The following SPAG17 variants were observed in gnomAD, a reference collection of about 807,000 sequenced individuals.
SPAG17 encodes sperm-associated antigen 17.
Under a neutral mutation model 273.6 loss-of-function variants are expected in SPAG17, and 169 were observed. The observed-to-expected ratio is 0.62, with a 90% CI of 0.55 to 0.70. The LOEUF (loss-of-function observed/expected upper bound fraction) is 0.70. SPAG17 is among the 30% of genes least tolerant of loss of function. The probability of loss-of-function intolerance (pLI) is 0.00; values close to 1 mark genes in which losing one functional copy is unlikely to be tolerated. For synonymous variants in SPAG17, 825 were observed against 873.2 expected (o/e 0.94, Z 0.97); for missense variants, 2,557 against 2,627.8 (o/e 0.97, Z 0.59).
Position 118,016,084 on chromosome 1 carries a change from T to C in SPAG17, c.4168A>G (p.Ile1390Val), listed in dbSNP as rs201514584. The C allele has an allele frequency of 1.7e-5, 28 of 1,614,100 alleles. No individual in the cohort carries two copies. In the East Asian group the frequency reaches 2.0e-4, roughly 12 times the overall value. Residue 1390 changes from isoleucine (I) to valine (V), a missense_variant, in exon 29 of 49, where the codon ATA (isoleucine) becomes GTA (valine). Transcript: ENST00000336338. ...GGTGTGGTTGTAAACCAGGTGCCTA[T>C]GTGAACCTCCACAGGAGTTACAGTT... ...VQTVTPVEVH[I>V]GTWFTTTPEG... is the part of the protein sequence containing the mutation.
At chr1:118,181,198 G>A (rs1570841305) in intron 1 of SPAG17, among the ~76,000 whole-genome samples, 1 of 151,686 alleles carries the variant, frequency 6.6e-6, no homozygotes. Flanking sequence ...CTAAACAAAG[G>A]CACCAATGGA....
chr1:118,031,666 G>A (rs764702324), intron 25 of SPAG17, 26 bp downstream of exon 25: 1 of 1,608,122 alleles, frequency 6.2e-7, no homozygotes, highest in Non-Finnish European at 8.5e-7. Context: ...AACAGAGTTT[G>A]GGAATCTATG....
chr1:118,018,992 C>A (rs1660237627), intron 28 of SPAG17, among the ~76,000 whole-genome samples: 4 of 147,620 alleles, frequency 2.7e-5, no homozygotes. Flanking sequence ...TGTGATCATG[C>A]CACCACACTC....
At chr1:117,997,928 A>G (rs1657836632) in intron 32 of SPAG17, among the ~76,000 whole-genome samples, 1 of 152,138 alleles carries the variant, frequency 6.6e-6, no homozygotes, top group African/African-American at 2.4e-5. Context: ...TTCCTGACCT[A>G]GAGGTGAGGG....
intron 20 of SPAG17, among the ~76,000 whole-genome samples, chr1:118,046,778 G>A (rs1650404210): frequency 6.6e-6 from 1 of 152,050 alleles, no homozygotes; most frequent in Non-Finnish European, 1.5e-5. Context: ...CTTTTTTTGT[G>A]TGTGGGGGGA....
intron 3 of SPAG17, among the ~76,000 whole-genome samples, chr1:118,120,698 G>A (rs1162918602): frequency 6.6e-6 from 1 of 152,096 alleles, no homozygotes; most frequent in East Asian, 1.9e-4. Context: ...GCTGGTATGG[G>A]GCAAGAATAG....
rs568434574 is a variant in SPAG17 at position 118,110,576 on chromosome 1, G to A, written c.447+4734C>T. Among the ~76,000 whole-genome samples the A allele has an allele frequency of 7.2e-5, 11 of 152,276 alleles. No homozygotes were observed. The East Asian group carries it at 1.9e-3, about 27-fold the overall frequency. ...CCCCCAGAGACTGAGCCATTTCTGCGTGGGGGGCAGGACTGGAAATTAAGT... is the reference window on the plus strand; with the variant it reads ...CCCCCAGAGACTGAGCCATTTCTGCATGGGGGGCAGGACTGGAAATTAAGT... On this transcript the variant is annotated intron_variant, in intron 4 of 48. Coordinates refer to ENST00000336338, the MANE Select transcript of SPAG17 (RefSeq NM_206996.4).
intron 29 of SPAG17, among the ~76,000 whole-genome samples, 180 bp downstream of exon 29, chr1:118,015,785 C>G (rs1557909528): frequency 6.6e-6 from 1 of 152,162 alleles, no homozygotes; most frequent in Admixed American, 6.5e-5. Flanking sequence ...GGCAAATACA[C>G]CACAAGATGT....
At chr1:118,050,066 G>C (rs1038572440) in intron 20 of SPAG17, among the ~76,000 whole-genome samples, 3 of 152,112 alleles carry the variant, frequency 2.0e-5, no homozygotes, top group Non-Finnish European at 2.9e-5. Context: ...TGCTAGACTG[G>C]TAAGGGAAGA....
chr1:118,079,184 T>A (rs1435681138), intron 15 of SPAG17, among the ~76,000 whole-genome samples: 2 of 152,068 alleles, frequency 1.3e-5, no homozygotes, highest in African/African-American at 4.8e-5. Context: ...CAGTTACCAA[T>A]GAGATCATTC....
chr1:118,021,634 C>T (rs1048728753), intron 28 of SPAG17, among the ~76,000 whole-genome samples: 21 of 152,220 alleles, frequency 1.4e-4, no homozygotes, highest in Admixed American at 1.3e-4. Flanking sequence ...AAACTGTGAG[C>T]AGAGTAAACA....
Position 118,012,359 on chromosome 1 carries a change from C to G in SPAG17, c.4301G>C (p.Arg1434Pro). ...DPVNGTVMTT[R>P]EDKVVIVERK... ...TTCAACTATGACAACTTTGTCTTCT[C>G]GAGTTGTCATAACCTGAACATGAAG... is the stretch of plus-strand genomic sequence containing the variant. Residue 1434 changes from arginine to proline, a missense_variant, in exon 30 of 49, where the codon CGA (arginine) becomes CCA (proline). Transcript: ENST00000336338. 2 of 1,613,102 alleles carry G rather than the reference C, an allele frequency of 1.2e-6. No individual in the cohort carries two copies. Among genetic ancestry groups the G allele is most frequent in the Non-Finnish European group, 1.7e-6 (2 of 1,179,452 alleles).
chr1:118,008,986 C>T (rs17037808), intron 30 of SPAG17, among the ~76,000 whole-genome samples: 9,959 of 152,138 alleles, frequency 0.065, 524 homozygotes, highest in East Asian at 0.31. Flanking sequence ...CTGCAAGTCA[C>T]TCCTCTGTAT....
chr1:118,177,032 T>C (rs1172592693), intron 1 of SPAG17, among the ~76,000 whole-genome samples: 1 of 152,150 alleles, frequency 6.6e-6, no homozygotes, highest in Non-Finnish European at 1.5e-5. Flanking sequence ...CTGAAATCTA[T>C]GGAATACAGC....
intron 3 of SPAG17, among the ~76,000 whole-genome samples, chr1:118,147,690 T>G (rs1659098716): frequency 6.6e-6 from 1 of 152,200 alleles, no homozygotes; most frequent in African/African-American, 2.4e-5. Flanking sequence ...TTCTAAGGTT[T>G]CAGGGGAAAT....
At chr1:118,153,904 T>C (rs1038816984) in intron 1 of SPAG17, among the ~76,000 whole-genome samples, 5 of 152,016 alleles carry the variant, frequency 3.3e-5, no homozygotes, top group African/African-American at 4.8e-5. Flanking sequence ...CCTTAAAACA[T>C]CATATAATTA....
intron 38 of SPAG17, among the ~76,000 whole-genome samples, chr1:117,990,496 T>C (rs1381856687): frequency 6.6e-6 from 1 of 152,204 alleles, no homozygotes; most frequent in Non-Finnish European, 1.5e-5. Context: ...TATAACAGTG[T>C]AGTTGCTCAA....
intron 18 of SPAG17, among the ~76,000 whole-genome samples, chr1:118,062,886 T>A (rs1652497692): frequency 6.6e-6 from 1 of 152,190 alleles, no homozygotes; most frequent in Non-Finnish European, 1.5e-5. Context: ...GCCTCAGTAG[T>A]CCATAGAATA....
chr1:118,009,248 AACACACACACACACACAC>A (rs55873088), intron 30 of SPAG17, among the ~76,000 whole-genome samples: 2 of 142,606 alleles, frequency 1.4e-5, no homozygotes, highest in South Asian at 2.3e-4. Flanking sequence ...AGGTGCTCAT[AACACACACACACACACAC>A]ACACACACAC....
Sources: allele counts gnomAD v4.1 joint callset (sites outside exome capture counted in the v4.1 genomes callset), GRCh38; gene constraint gnomAD v4.1.1; transcripts MANE v1.5; gene names NCBI Gene and HGNC (gene_info 2026-07-23, HGNC 2026-07-21).